Variants in CPA6 observed in about 807,000 individuals in gnomAD.
CPA6 encodes the protein carboxypeptidase A6, also known as carboxypeptidase B.
CPA6 carries 58 observed loss-of-function variants against 63.3 expected under a neutral mutation model. That is an observed-to-expected ratio of 0.92 (90% CI 0.74 to 1.14). The LOEUF is 1.14. Ranked by LOEUF, CPA6 falls within the 50% of genes most tolerant of loss-of-function variation. The pLI is 0.00. For missense variants in CPA6, 565 were observed against 526.6 expected, an observed-to-expected ratio of 1.07 and a Z score of -0.71; for synonymous variants, 185 against 179.0, an observed-to-expected ratio of 1.03 and a Z score of -0.27.
At chr8:67,564,415 C>CTTTTTTTT (rs200491437) in intron 2 of CPA6, among the ~76,000 whole-genome samples, 1 of 141,156 alleles carries the variant, frequency 7.1e-6, no homozygotes. Flanking sequence ...TAAAAGTGTT[C>CTTTTTTTT]TTTTTTTTTT....
At chr8:67,497,322 C>A (rs1453256547) in intron 6 of CPA6, among the ~76,000 whole-genome samples, 1 of 152,162 alleles carries the variant, frequency 6.6e-6, no homozygotes, top group African/African-American at 2.4e-5. Flanking sequence ...TTTGCCTATT[C>A]TCTGAACATT....
intron 1 of CPA6, among the ~76,000 whole-genome samples, chr8:67,715,054 T>A (rs1817349018): frequency 6.6e-6 from 1 of 152,228 alleles, no homozygotes; most frequent in African/African-American, 2.4e-5. Context: ...CTTAGCCATT[T>A]TTACCCACAA....
intron 1 of CPA6, among the ~76,000 whole-genome samples, chr8:67,635,749 A>G (rs968106159): frequency 1.3e-5 from 2 of 151,816 alleles, no homozygotes; most frequent in African/African-American, 4.9e-5. Context: ...CCTGGGCAAC[A>G]AAGAGTGAAA....
intron 1 of CPA6, among the ~76,000 whole-genome samples, chr8:67,642,594 A>G (rs7813276): frequency 0.29 from 43,754 of 152,000 alleles, 6,524 homozygotes; most frequent in African/African-American, 0.36. Context: ...AAGACTTAGT[A>G]TGAAGTTATA....
chr8:67,432,945 G>A (rs1202444329), intron 9 of CPA6, among the ~76,000 whole-genome samples: 1 of 152,158 alleles, frequency 6.6e-6, no homozygotes. Flanking sequence ...CTGAAGTGAG[G>A]GCAGTCATGT....
At chr8:67,699,379 G>A (rs1384577098) in intron 1 of CPA6, among the ~76,000 whole-genome samples, 1 of 151,984 alleles carries the variant, frequency 6.6e-6, no homozygotes, top group Non-Finnish European at 1.5e-5. Flanking sequence ...GTTGCAGTGA[G>A]CCCAGATCAC....
At chr8:67,554,438 A>C (rs1250733565) in intron 2 of CPA6, among the ~76,000 whole-genome samples, 3 of 152,166 alleles carry the variant, frequency 2.0e-5, no homozygotes, top group African/African-American at 7.2e-5. Flanking sequence ...AAACAGCTAA[A>C]CCATTCATGA....
intron 1 of CPA6, among the ~76,000 whole-genome samples, chr8:67,624,740 A>T (rs924207981): frequency 2.6e-5 from 4 of 152,186 alleles, no homozygotes; most frequent in African/African-American, 9.7e-5. Flanking sequence ...GCCCATCTCT[A>T]TGGGGCATCT....
chr8:67,499,377 C>T (rs1339452681), intron 6 of CPA6, among the ~76,000 whole-genome samples: 1 of 152,026 alleles, frequency 6.6e-6, no homozygotes, highest in Non-Finnish European at 1.5e-5. Flanking sequence ...GCACCTGGTT[C>T]CAAAGAATGG....
intron 8 of CPA6, among the ~76,000 whole-genome samples, chr8:67,437,272 G>A (rs1810182610): frequency 6.6e-6 from 1 of 152,216 alleles, no homozygotes; most frequent in Non-Finnish European, 1.5e-5. Flanking sequence ...GCGGGGGCCT[G>A]TAGTCCCAGC....
chr8:67,681,510 A>G (rs375818027), intron 1 of CPA6, among the ~76,000 whole-genome samples: 1 of 152,282 alleles, frequency 6.6e-6, no homozygotes, highest in South Asian at 2.1e-4. Context: ...CGCCCGGCCA[A>G]AGATTTTCTT....
At chr8:67,473,231 A>G (rs1031778334) in intron 8 of CPA6, among the ~76,000 whole-genome samples, 2 of 152,238 alleles carry the variant, frequency 1.3e-5, no homozygotes, top group African/African-American at 4.8e-5. Flanking sequence ...CTACCCTAGA[A>G]AGAATGAAGT....
intron 8 of CPA6, among the ~76,000 whole-genome samples, chr8:67,441,711 G>A (rs1006334649): frequency 2.6e-5 from 4 of 152,092 alleles, no homozygotes; most frequent in Non-Finnish European, 5.9e-5. Flanking sequence ...ATAATATGGA[G>A]AAACCAGAGT....
intron 9 of CPA6, among the ~76,000 whole-genome samples, chr8:67,430,878 T>C (rs1163924226): frequency 6.6e-6 from 1 of 152,072 alleles, no homozygotes; most frequent in Non-Finnish European, 1.5e-5. Context: ...TTTCCTTTCT[T>C]TGAGACAGGG....
chr8:67,495,218 C>G lies in CPA6; in HGVS notation c.637-10429G>C, dbSNP rs144983691. The stretch of plus-strand genomic sequence containing the variant: ...TGCTCCCCCAACTTCAATGACACCA[C>G]AAATCTCTTGGGCATCTTATCTTTG... On this transcript the variant is annotated intron_variant, in intron 6 of 10. Transcript: ENST00000297770. 7.9e-5 allele frequency among the ~76,000 whole-genome samples: 12 copies of G among 152,338 alleles called. No individual in the cohort carries two copies. The East Asian group carries it at 2.3e-3, about 29-fold the overall frequency.
chr8:67,605,080 G>GTTTTTTTTTTTTTTTTTTTTT, intron 2 of CPA6, among the ~76,000 whole-genome samples: 1 of 145,018 alleles, frequency 6.9e-6, no homozygotes, highest in Non-Finnish European at 1.5e-5. Flanking sequence ...GCCCAGCCAC[G>GTTTTTTTTTTTTTTTTTTTTT]TTTTTTTTTT....
intron 1 of CPA6, among the ~76,000 whole-genome samples, chr8:67,738,952 T>A (rs1451478189): frequency 1.3e-5 from 2 of 152,226 alleles, no homozygotes; most frequent in East Asian, 3.8e-4. Flanking sequence ...AAAAAAATAA[T>A]ACTTTTGTAG....
chr8:67,517,677 G>T (rs1409881194), intron 3 of CPA6, among the ~76,000 whole-genome samples: 2 of 152,162 alleles, frequency 1.3e-5, no homozygotes, highest in Non-Finnish European at 2.9e-5. Context: ...ACAGAAAAAG[G>T]TCTATCTTTT....
At chr8:67,605,354 C>T (rs1814605178) in intron 2 of CPA6, among the ~76,000 whole-genome samples, 2 of 152,016 alleles carry the variant, frequency 1.3e-5, no homozygotes, top group Admixed American at 6.6e-5. Context: ...CCCATGGATA[C>T]CAAAATTTGC....
Sources: gnomAD v4.1 joint callset for allele counts (sites outside exome capture counted in the v4.1 genomes callset) on GRCh38, gnomAD v4.1.1 for gene constraint, MANE v1.5 for transcripts, NCBI Gene and HGNC (gene_info 2026-07-23, HGNC 2026-07-21) for gene names.